Variants in NUTF2 observed in about 807,000 individuals in gnomAD.
The protein encoded by NUTF2 is nuclear transport factor 2.
In NUTF2, 3 loss-of-function variants were observed where a neutral mutation model predicts 18.5. The observed-to-expected ratio is 0.16, with a 90% CI of 0.07 to 0.42. The LOEUF (loss-of-function observed/expected upper bound fraction) is 0.42, where lower values mean the gene tolerates loss of function less well. Ranked by LOEUF, NUTF2 falls within the 10% of genes least tolerant of loss-of-function variation. The probability of loss-of-function intolerance (pLI) is 0.99; values close to 1 mark genes in which losing one functional copy is unlikely to be tolerated. For missense variants in NUTF2, 44 were observed against 160.7 expected (o/e 0.27, Z 3.93); for synonymous variants, 51 against 57.9 (o/e 0.88, Z 0.54).
chr16:67,855,168 C>T (rs1192938124), intron 1 of NUTF2, among the ~76,000 whole-genome samples: 3 of 152,110 alleles, frequency 2.0e-5, no homozygotes, highest in Non-Finnish European at 2.9e-5. Context: ...GTCCCTCCCT[C>T]GGGGAGCCAG....
chr16:67,856,483 C>A (rs1319567540), intron 1 of NUTF2, among the ~76,000 whole-genome samples: 2 of 150,906 alleles, frequency 1.3e-5, no homozygotes, highest in East Asian at 3.9e-4. Context: ...AGCCACCATC[C>A]CTGGCCCAGT....
chr16:67,855,287 G>A (rs1419891055), intron 1 of NUTF2, among the ~76,000 whole-genome samples: 1 of 152,206 alleles, frequency 6.6e-6, no homozygotes, highest in Non-Finnish European at 1.5e-5. Context: ...TGCTTTGCTT[G>A]GGTCTGGGTT....
At chr16:67,847,400 C>G (rs1246706600) in intron 1 of NUTF2, 3 of 152,310 alleles carry the variant, frequency 2.0e-5, no homozygotes, top group African/African-American at 7.2e-5. Flanking sequence ...CTGCTACCCA[C>G]CTACGAAGGA....
rs148064340 is a variant in NUTF2 at position 67,862,520 on chromosome 16, G to T, written c.-29-2582G>T. Among the ~76,000 whole-genome samples, 1,230 of 152,202 alleles carry T rather than the reference G, an allele frequency of 8.1e-3. 8 individuals carry two copies. The highest frequency in any genetic ancestry group is 0.023 in the African/African-American group (944 of 41,516). ...CCCATTTCCTTCCACCACCACTTCA[G>T]TCAAGGAGTTTTTGTATCAGAAAGT... On this transcript the variant is annotated intron_variant, in intron 1 of 4. Transcript: ENST00000219169.
In NUTF2 at chr16:67,868,698, C is replaced by T. The variant is rs1053809594; in HGVS notation, c.270+99C>T. Reference sequence around the variant, plus strand: ...GATGTGACCTGCTTATCTAGGGACACCCAGACAAAGTGACTGTCTAGAGCT... The same window carrying T: ...GATGTGACCTGCTTATCTAGGGACATCCAGACAAAGTGACTGTCTAGAGCT... On this transcript the variant is annotated intron_variant, in intron 4 of 4. Transcript: ENST00000219169. The T allele has an allele frequency of 1.4e-5, 16 of 1,128,830 alleles. No individual in the cohort carries two copies. The South Asian group carries it at 2.0e-4, about 14-fold the overall frequency. The allele number at this position is 1,128,830 out of a possible 1,614,324, so 69.9% of individuals were successfully genotyped here. A position where few individuals can be genotyped will look rare whatever the true frequency, so the allele number is the denominator to read the frequency against.
chr16:67,855,581 G>A (rs2057889658), intron 1 of NUTF2, among the ~76,000 whole-genome samples: 1 of 152,112 alleles, frequency 6.6e-6, no homozygotes, highest in African/African-American at 2.4e-5. Flanking sequence ...GTAAACTGGG[G>A]GAATTTTGGA....
chr16:67,860,081 G>A (rs554357421), intron 1 of NUTF2, among the ~76,000 whole-genome samples: 37 of 151,528 alleles, frequency 2.4e-4, no homozygotes, highest in African/African-American at 8.7e-4. Context: ...CTGGGTTCAC[G>A]CCATTCTGCT....
chr16:67,867,974 C>G lies in NUTF2; in HGVS notation c.100-366C>G, dbSNP rs897828435. On this transcript the variant is annotated intron_variant, in intron 2 of 4. Transcript: ENST00000219169. The stretch of plus-strand genomic sequence containing the variant: ...GTTCTGGGATTACAGGCGTGAGCCA[C>G]CGTGCCTGGCCACATTTCTGATGAC... 5.9e-5 allele frequency among the ~76,000 whole-genome samples: 9 copies of G among 152,234 alleles called. 1 individual carries two copies. Among genetic ancestry groups the G allele is most frequent in the African/African-American group, 2.2e-4 (9 of 41,454 alleles).
Position 67,868,347 on chromosome 16 carries a change from C to T in NUTF2, c.107C>T (p.Ala36Val), listed in dbSNP as rs780123868. The change falls in exon 3 of 5, where the codon GCG becomes GTG. Residue 36 changes from alanine to valine, a missense_variant. By Grantham distance (64) the Ala-to-Val change is moderately conservative. Transcript: ENST00000219169. Reference protein sequence around the residue: ...RTQLGAIYIDASCLTWEGQQF... With the variant: ...RTQLGAIYIDVSCLTWEGQQF... ...TTCCTGTGCCTTTTTCAGATTGACG[C>T]GTCATGCCTTACGTGGGAAGGACAA... 2.0e-5 allele frequency: 32 copies of T among 1,613,774 alleles called. No homozygotes were observed. Among genetic ancestry groups the T allele is most frequent in the Admixed American group, 1.2e-4 (7 of 59,986 alleles).
chr16:67,859,602 C>T lies in NUTF2; in HGVS notation c.-29-5500C>T, dbSNP rs151332251. Reference sequence around the variant, plus strand: ...GGAACTCTCGACCTCAGGTGATCCACCCGCCTCAGCCTCCCAAAGTCCTGG... The same window carrying T: ...GGAACTCTCGACCTCAGGTGATCCATCCGCCTCAGCCTCCCAAAGTCCTGG... On this transcript the variant is annotated intron_variant, in intron 1 of 4. Transcript: ENST00000219169. 8.0e-3 allele frequency among the ~76,000 whole-genome samples: 1,225 copies of T among 152,188 alleles called. 8 individuals are homozygous for T. The highest frequency in any genetic ancestry group is 0.023 in the African/African-American group (939 of 41,508).
At chr16:67,856,926 A>G (rs1195532049) in intron 1 of NUTF2, among the ~76,000 whole-genome samples, 1 of 152,222 alleles carries the variant, frequency 6.6e-6, no homozygotes, top group Non-Finnish European at 1.5e-5. Context: ...AAGTGAAGAT[A>G]ATCATACCAG....
chr16:67,855,894 G>GC (rs1401651854), intron 1 of NUTF2: 6 of 449,466 alleles, frequency 1.3e-5, no homozygotes, highest in Admixed American at 3.6e-5. Context: ...TGGCGGGGGG[G>GC]GGGGATGGGG....
intron 1 of NUTF2, among the ~76,000 whole-genome samples, chr16:67,853,664 A>T (rs1210209171): frequency 6.6e-6 from 1 of 151,844 alleles, no homozygotes; most frequent in Non-Finnish European, 1.5e-5. Context: ...CACACCTGCT[A>T]ATTTTTATAT....
intron 1 of NUTF2, chr16:67,847,527 G>A (rs978973403): frequency 6.6e-6 from 1 of 152,552 alleles, no homozygotes; most frequent in East Asian, 1.9e-4. Context: ...CCCGGCCGGG[G>A]TGTAGGTGAA....
intron 2 of NUTF2, among the ~76,000 whole-genome samples, chr16:67,866,888 G>A (rs2057976151): frequency 6.6e-6 from 1 of 152,156 alleles, no homozygotes; most frequent in East Asian, 1.9e-4. Flanking sequence ...GATTACAGGT[G>A]TGAGTTACCA....
chr16:67,855,782 A>C (rs2057891567), intron 1 of NUTF2, among the ~76,000 whole-genome samples: 1 of 146,520 alleles, frequency 6.8e-6, no homozygotes, highest in South Asian at 2.2e-4. Flanking sequence ...TGACCTGCTG[A>C]GTAGGTGCTC....
At chr16:67,868,268 GAGTCT>G (rs2057987969) in intron 2 of NUTF2, 67 bp from the exon 3 acceptor site, 1 of 1,410,490 alleles carries the variant, frequency 7.1e-7, no homozygotes. Context: ...GCCCTTTTCA[GAGTCT>G]TTCCAGGGCC....
At chr16:67,863,428 G>C (rs1426928437) in intron 1 of NUTF2, among the ~76,000 whole-genome samples, 1 of 142,768 alleles carries the variant, frequency 7.0e-6, no homozygotes, top group African/African-American at 2.6e-5. Flanking sequence ...TGGTCACAGA[G>C]CGGAGGATTG....
At chr16:67,859,035 A>G (rs562595329) in intron 1 of NUTF2, among the ~76,000 whole-genome samples, 17 of 150,876 alleles carry the variant, frequency 1.1e-4, no homozygotes, top group African/African-American at 2.7e-4. Flanking sequence ...AGGTCTCACT[A>G]TGTTGTCCAG....
Sources: allele counts gnomAD v4.1 joint callset (sites outside exome capture counted in the v4.1 genomes callset), GRCh38; gene constraint gnomAD v4.1.1; transcripts MANE v1.5; gene names NCBI Gene and HGNC (gene_info 2026-07-23, HGNC 2026-07-21).